Variants in GRIN3A observed in about 807,000 individuals in gnomAD.
GRIN3A encodes glutamate ionotropic receptor NMDA type subunit 3A, also known as glutamate receptor ionotropic, NMDA 3A.
Under a neutral mutation model 92.4 loss-of-function variants are expected in GRIN3A, and 47 were observed. That is an observed-to-expected ratio of 0.51 (90% CI 0.40 to 0.65). The LOEUF (loss-of-function observed/expected upper bound fraction) is 0.65. Among genes scored for constraint, GRIN3A ranks in the 30% least tolerant of loss-of-function variants. The probability of loss-of-function intolerance (pLI) is 0.00; values close to 1 mark genes in which losing one functional copy is unlikely to be tolerated. For synonymous variants in GRIN3A, 527 were observed against 540.6 expected (o/e 0.97, Z 0.35); for missense variants, 1,324 against 1,393.1 (o/e 0.95, Z 0.79).
intron 6 of GRIN3A, among the ~76,000 whole-genome samples, chr9:101,589,535 ATGTT>A (rs1827996240): frequency 6.6e-6 from 1 of 152,056 alleles, no homozygotes; most frequent in African/African-American, 2.4e-5. Flanking sequence ...CTATTTTTCC[ATGTT>A]TGTTTTACCT....
intron 1 of GRIN3A, among the ~76,000 whole-genome samples, chr9:101,716,884 A>G (rs1186223792): frequency 1.3e-5 from 2 of 152,194 alleles, no homozygotes; most frequent in Non-Finnish European, 2.9e-5. Context: ...TCCCTTGAAA[A>G]GTCAGAATAT....
intron 2 of GRIN3A, among the ~76,000 whole-genome samples, chr9:101,672,507 A>C (rs1829341292): frequency 6.6e-6 from 1 of 152,188 alleles, no homozygotes; most frequent in Non-Finnish European, 1.5e-5. Context: ...GGAACACAGT[A>C]GGTATTTTGA....
Position 101,729,258 on chromosome 9 carries a change from A to G in GRIN3A, c.699+8023T>C, listed in dbSNP as rs1347588578. Among the ~76,000 whole-genome samples, 3 of 152,192 alleles carry G rather than the reference A, an allele frequency of 2.0e-5. 1 individual carries two copies. The highest frequency in any genetic ancestry group is 2.9e-5 in the Non-Finnish European group (2 of 68,010). ...TCATTTCTTGTTGTTGCTGTAACAA[A>G]CTACCAAGAACTTAGTGATTTAAAA... On this transcript the variant is annotated intron_variant, in intron 1 of 8. Transcript: ENST00000361820.
chr9:101,685,615 G>A (rs1241900791), intron 2 of GRIN3A, among the ~76,000 whole-genome samples: 2 of 151,824 alleles, frequency 1.3e-5, no homozygotes, highest in African/African-American at 4.8e-5. Context: ...TCCATATGAT[G>A]TGTTGTTCTC....
intron 1 of GRIN3A, among the ~76,000 whole-genome samples, chr9:101,727,258 G>A (rs753703974): frequency 1.3e-5 from 2 of 152,124 alleles, no homozygotes; most frequent in Non-Finnish European, 2.9e-5. Flanking sequence ...TATGAGAAGC[G>A]GTTTATAATG....
intron 6 of GRIN3A, chr9:101,603,012 C>G (rs1047491918): frequency 6.6e-6 from 1 of 152,172 alleles, no homozygotes; most frequent in African/African-American, 2.4e-5. Context: ...AGCATCTTCA[C>G]TTTTTCCCAC....
At chr9:101,584,366 A>G (rs1206735817) in intron 6 of GRIN3A, among the ~76,000 whole-genome samples, 3 of 152,218 alleles carry the variant, frequency 2.0e-5, no homozygotes, top group African/African-American at 4.8e-5. Flanking sequence ...ACATTAGTAT[A>G]TATTTACTAC....
chr9:101,618,803 G>T (rs1218918268), intron 5 of GRIN3A, among the ~76,000 whole-genome samples: 1 of 152,134 alleles, frequency 6.6e-6, no homozygotes, highest in African/African-American at 2.4e-5. Context: ...TTTCAAATTT[G>T]CTAGTGTTCA....
intron 1 of GRIN3A, among the ~76,000 whole-genome samples, chr9:101,702,632 T>G (rs1829770251): frequency 6.6e-6 from 1 of 152,182 alleles, no homozygotes; most frequent in Admixed American, 6.5e-5. Flanking sequence ...CTCACTAAAT[T>G]TAGATATCAT....
intron 6 of GRIN3A, among the ~76,000 whole-genome samples, chr9:101,611,244 C>T (rs527324059): frequency 6.6e-6 from 1 of 152,276 alleles, no homozygotes; most frequent in Admixed American, 6.5e-5. Context: ...ATGCTTCTCT[C>T]CTAGCTTCTG....
intron 3 of GRIN3A, among the ~76,000 whole-genome samples, chr9:101,661,742 G>A (rs1237664857): frequency 4.0e-5 from 6 of 151,776 alleles, no homozygotes; most frequent in South Asian, 2.1e-4. Context: ...AGTCAAGGGC[G>A]AAAGGGCATA....
intron 3 of GRIN3A, among the ~76,000 whole-genome samples, chr9:101,666,977 A>G (rs1829246035): frequency 6.6e-6 from 1 of 151,954 alleles, no homozygotes. Context: ...ATACTGTGCT[A>G]TTCTATTGTT....
chr9:101,736,373 C>T (rs967594909), intron 1 of GRIN3A, among the ~76,000 whole-genome samples: 4 of 152,242 alleles, frequency 2.6e-5, no homozygotes, highest in African/African-American at 9.6e-5. Flanking sequence ...AATAAGGACT[C>T]TGTCTTGTTC....
intron 3 of GRIN3A, among the ~76,000 whole-genome samples, chr9:101,663,620 A>G (rs1179146117): frequency 1.3e-5 from 2 of 151,874 alleles, no homozygotes; most frequent in Non-Finnish European, 2.9e-5. Context: ...TTATATGACA[A>G]TCAATAAAGG....
chr9:101,590,674 C>T (rs1168823580), intron 6 of GRIN3A, among the ~76,000 whole-genome samples: 2 of 152,098 alleles, frequency 1.3e-5, no homozygotes, highest in Non-Finnish European at 2.9e-5. Context: ...GCCACCGCGC[C>T]CGGCCAACAC....
chr9:101,668,124 A>G (rs59905648), intron 3 of GRIN3A, among the ~76,000 whole-genome samples: 10,833 of 152,168 alleles, frequency 0.071, 523 homozygotes, highest in East Asian at 0.22. Context: ...TTATTCTGGT[A>G]GAGTCAGAGA....
intron 2 of GRIN3A, among the ~76,000 whole-genome samples, chr9:101,678,322 C>T (rs915722048): frequency 2.5e-4 from 38 of 152,048 alleles, no homozygotes; most frequent in African/African-American, 8.9e-4. Context: ...ACATTTTCCT[C>T]CTGAATAATG....
At chr9:101,677,671 TG>T (rs1361427302) in intron 2 of GRIN3A, among the ~76,000 whole-genome samples, 1 of 152,136 alleles carries the variant, frequency 6.6e-6, no homozygotes, top group African/African-American at 2.4e-5. Flanking sequence ...TTTCATTTTG[TG>T]GCTTGTTTCA....
At chr9:101,682,988 A>AAAAAC (rs1163842238) in intron 2 of GRIN3A, among the ~76,000 whole-genome samples, 1 of 152,266 alleles carries the variant, frequency 6.6e-6, no homozygotes, top group African/African-American at 2.4e-5. Flanking sequence ...TCTCAAAAAC[A>AAAAAC]AAAACAAAAC....
Sources: allele counts gnomAD v4.1 joint callset (sites outside exome capture counted in the v4.1 genomes callset), GRCh38; gene constraint gnomAD v4.1.1; transcripts MANE v1.5; gene names NCBI Gene and HGNC (gene_info 2026-07-23, HGNC 2026-07-21).